IDUA: variants seen among roughly 807,000 people sequenced by gnomAD.
The protein encoded by IDUA is iduronidase alpha-L-.
In IDUA, 65 loss-of-function variants were observed where a neutral mutation model predicts 68.9. The ratio of observed to expected loss-of-function variants is 0.94; its 90% CI spans 0.77 to 1.16. The LOEUF (loss-of-function observed/expected upper bound fraction) is 1.16. IDUA is among the 50% of genes most tolerant of loss of function. IDUA has a pLI of 0.00. For missense variants in IDUA, 1,046 were observed against 938.0 expected, an observed-to-expected ratio of 1.12 and a Z score of -1.50; for synonymous variants, 529 against 433.6, an observed-to-expected ratio of 1.22 and a Z score of -2.73.
chr4:1,002,336 G>A lies in IDUA; in HGVS notation c.1040G>A (p.Ser347Asn), dbSNP rs780106243. Reference sequence around the variant, plus strand: ...TCCGCCTTCCCCTACGCGCTCCTGAGCAACGACAATGCCTTCCTGAGCTAC... The same window carrying A: ...TCCGCCTTCCCCTACGCGCTCCTGAACAACGACAATGCCTTCCTGAGCTAC... ...TTSAFPYALL[S>N]NDNAFLSYHP... The change falls in exon 8 of 14, where the codon AGC becomes AAC. Residue 347 changes from serine (S) to asparagine (N), a missense_variant. Ser to Asn is a conservative substitution (Grantham distance 46). Transcript: ENST00000514224. 2.5e-6 allele frequency: 4 copies of A among 1,613,126 alleles called. No homozygotes were observed. The African/African-American group carries it at 5.3e-5, about 22-fold the overall frequency.
At chr4:987,779 G>A (rs756476304) in intron 1 of IDUA, 30 bp from the exon 2 acceptor site, 14 of 1,610,742 alleles carry the variant, frequency 8.7e-6, no homozygotes, top group East Asian at 2.2e-5. Context: ...GCTGAGGCTC[G>A]GGACTGAGCC....
At chr4:992,779 C>T (rs1456207692) in intron 2 of IDUA, 1 of 153,870 alleles carries the variant, frequency 6.5e-6, no homozygotes, top group South Asian at 2.0e-4. Flanking sequence ...AGAGGCCTGA[C>T]TGGTCCCACG....
Position 991,522 on chromosome 4 carries a change from C to T in IDUA, c.299+3573C>T, listed in dbSNP as rs138449255. On this transcript the variant is annotated intron_variant, in intron 2 of 13. Coordinates refer to ENST00000514224, the MANE Select transcript of IDUA (RefSeq NM_000203.5). ...CAGGTACTCCCGCGGGCGGTACTGACGCAGCCAGCGCGTGGCGGGGAGCAG... is the reference window on the plus strand; with the variant it reads ...CAGGTACTCCCGCGGGCGGTACTGATGCAGCCAGCGCGTGGCGGGGAGCAG... 4.3e-4 allele frequency: 694 copies of T among 1,607,344 alleles called. 1 individual carries two copies. The highest frequency in any genetic ancestry group is 5.2e-4 in the Non-Finnish European group (617 of 1,176,476).
intron 2 of IDUA, 78 bp from the exon 3 acceptor site, chr4:1,000,534 C>A: frequency 1.7e-6 from 2 of 1,145,984 alleles, no homozygotes; most frequent in Non-Finnish European, 2.7e-6. Context: ...CCACATGCTC[C>A]GTTGTGGCCA....
chr4:989,382 C>T lies in IDUA; in HGVS notation c.299+1433C>T, dbSNP rs146711224. On this transcript the variant is annotated intron_variant, in intron 2 of 13. Coordinates refer to ENST00000514224, the MANE Select transcript of IDUA (RefSeq NM_000203.5). ...ACTCTGTGGCATCCTCGTAGAAGGC[C>T]GTGTCCCCGATGCGGGCCAGCAGGG... 98 of 1,576,048 alleles carry T rather than the reference C, an allele frequency of 6.2e-5. No homozygotes were observed. Among genetic ancestry groups the T allele is most frequent in the East Asian group, 1.9e-4 (8 of 42,534 alleles).
At position 987,806 on chromosome 4, in the gene IDUA, C is replaced by T. The variant is rs780178663; in HGVS notation, c.159-3C>T. 7.4e-6 allele frequency: 12 copies of T among 1,612,244 alleles called. No individual in the cohort carries two copies. The highest frequency in any genetic ancestry group is 1.1e-5 in the South Asian group (1 of 91,042). ...GACTGAGCCGCCCCTTTGTTGTCCCCAGCCCCCCGCTGCCACACAGCCAGG... is the reference window on the plus strand; with the variant it reads ...GACTGAGCCGCCCCTTTGTTGTCCCTAGCCCCCCGCTGCCACACAGCCAGG... On this transcript the variant is annotated splice_region_variant and splice_polypyrimidine_tract_variant and intron_variant, in intron 1 of 13. Transcript: ENST00000514224.
chr4:997,253 C>T (rs753944659), intron 2 of IDUA, among the ~76,000 whole-genome samples: 3 of 151,994 alleles, frequency 2.0e-5, no homozygotes, highest in Non-Finnish European at 2.9e-5. Context: ...GTCCCGGCCA[C>T]AGATGCAGGT....
Position 991,163 on chromosome 4 carries a change from C to T in IDUA, c.299+3214C>T, listed in dbSNP as rs144893723. On this transcript the variant is annotated intron_variant, in intron 2 of 13. Transcript: ENST00000514224. Reference sequence around the variant, plus strand: ...CCGGTCATCAGCGTGAGGGCGGTGGCGACACGGATGGCGTAGCAGTCACGC... The same window carrying T: ...CCGGTCATCAGCGTGAGGGCGGTGGTGACACGGATGGCGTAGCAGTCACGC... The T allele has an allele frequency of 4.5e-5, 70 of 1,561,700 alleles. No individual in the cohort carries two copies. The highest frequency in any genetic ancestry group is 4.4e-4 in the South Asian group (36 of 82,664).
upstream of IDUA, chr4:987,025 A>T (rs1713767676): frequency 7.2e-7 from 1 of 1,383,678 alleles, no homozygotes; most frequent in Non-Finnish European, 9.5e-7. Flanking sequence ...CCAGACTCCG[A>T]CCCGGAGGCG....
rs545838149 is a variant in IDUA, at chr4:1,001,290, C to T, written c.494-178C>T. ...GCCGCACCCCTATCACCCAGGCCGC[C>T]GCCCAGGTCTTGGACCCCCTTGAGC... On this transcript the variant is annotated intron_variant, in intron 4 of 13. Coordinates refer to ENST00000514224, the MANE Select transcript of IDUA (RefSeq NM_000203.5). 262 of 677,758 alleles carry T rather than the reference C, an allele frequency of 3.9e-4. 2 individuals are homozygous for T. In the East Asian group the frequency reaches 5.8e-3, roughly 15 times the overall value. The allele number at this position is 677,758 out of a possible 1,614,324, so 42.0% of individuals were successfully genotyped here. A position where few individuals can be genotyped will look rare whatever the true frequency, so the allele number is the denominator to read the frequency against.
At chr4:989,449 G>C (rs749932178) in intron 2 of IDUA, 1 of 1,554,060 alleles carries the variant, frequency 6.4e-7, no homozygotes, top group Non-Finnish European at 8.7e-7. Context: ...GCTGAGCAGC[G>C]AGAGGATGAC....
In IDUA at chr4:987,785, GAGCCGCCCCTTTGTTGTCCCC is replaced by G. The variant is rs398123255; in HGVS notation, c.159-19_160del. 1.9e-6 allele frequency: 3 copies of G among 1,611,450 alleles called. No individual in the cohort carries two copies. In the African/African-American group the frequency reaches 4.0e-5, roughly 22 times the overall value. ...GCCAGCCATGCTGAGGCTCGGGACT[GAGCCGCCCCTTTGTTGTCCCC>G]AGCCCCCCGCTGCCACACAGCCAGG... On this transcript the variant is annotated splice_polypyrimidine_tract_variant and splice_region_variant and intron_variant, in intron 1 of 13. Coordinates refer to ENST00000514224, the MANE Select transcript of IDUA (RefSeq NM_000203.5).
At chr4:990,844 G>A (rs1315807364) in intron 2 of IDUA, 1 of 474,818 alleles carries the variant, frequency 2.1e-6, no homozygotes, top group African/African-American at 2.0e-5. Flanking sequence ...CCTCAGTCCA[G>A]CACCACTGAG....
At chr4:998,407 C>G (rs374930827) in intron 2 of IDUA, among the ~76,000 whole-genome samples, 3 of 152,110 alleles carry the variant, frequency 2.0e-5, no homozygotes, top group African/African-American at 7.2e-5. Context: ...GGCCAGATTC[C>G]GGTCCATGGT....
rs1230867680 is a variant in IDUA, at chr4:1,004,266, G to A, written c.1835G>A (p.Gly612Asp). The change falls in exon 14 of 14, where the codon GGT (glycine) becomes GAT (aspartate). Residue 612 changes from glycine (G) to aspartate (D), a missense_variant. Transcript: ENST00000514224. The surrounding 1 kb of genome is among the most constrained non-coding windows in gnomAD (Gnocchi z 5.0). ...FNLFVFSPDT[G>D]AVSGSYRVRA... ...CATGTCCCCTTGTCTCCAGACACAG[G>A]TGCTGTCTCTGGCTCCTACCGAGTT... 1.2e-6 allele frequency: 2 copies of A among 1,610,124 alleles called. No homozygotes were observed. The highest frequency in any genetic ancestry group is 1.7e-5 in the Admixed American group (1 of 60,006).
chr4:1,003,295 A>G (rs1715230467), intron 10 of IDUA, 50 bp from the exon 11 acceptor site: 4 of 1,388,558 alleles, frequency 2.9e-6, no homozygotes, highest in Non-Finnish European at 3.7e-6. Flanking sequence ...GGTCGGGCCG[A>G]GCGTCCCCAG....
Position 990,416 on chromosome 4 carries a change from C to G in IDUA, c.299+2467C>G, listed in dbSNP as rs1443638862. ...GGCGCCTGGCGGGAGCCACCTGCCC[C>G]TCACCAGCACCTGGCATGGCCCGAG... On this transcript the variant is annotated intron_variant, in intron 2 of 13. Transcript: ENST00000514224. The G allele has an allele frequency of 6.7e-6, 10 of 1,493,184 alleles. No individual in the cohort carries two copies. The East Asian group carries it at 1.9e-4, about 28-fold the overall frequency. The allele number at this position is 1,493,184 out of a possible 1,614,324, so 92.5% of individuals were successfully genotyped here. A position where few individuals can be genotyped will look rare whatever the true frequency, so the allele number is the denominator to read the frequency against.
At chr4:997,275 G>A (rs903116043) in intron 2 of IDUA, among the ~76,000 whole-genome samples, 1 of 151,884 alleles carries the variant, frequency 6.6e-6, no homozygotes, top group Admixed American at 6.5e-5. Flanking sequence ...CTCCCAAGAG[G>A]CGGGTCTGTA....
chr4:990,421 C>T, intron 2 of IDUA: 1 of 1,475,640 alleles, frequency 6.8e-7, no homozygotes, highest in Non-Finnish European at 9.1e-7. Context: ...TGCCCCTCAC[C>T]AGCACCTGGC....
Sources: allele counts gnomAD v4.1 joint callset (sites outside exome capture counted in the v4.1 genomes callset), GRCh38; gene constraint gnomAD v4.1.1; non-coding constraint Gnocchi (gnomAD v3.1); transcripts MANE v1.5; gene names NCBI Gene and HGNC (gene_info 2026-07-23, HGNC 2026-07-21).